Variants in YES1 observed in about 807,000 individuals in gnomAD.
YES1 encodes the protein tyrosine-protein kinase Yes.
Under a neutral mutation model 70.4 loss-of-function variants are expected in YES1, and 39 were observed. That is an observed-to-expected ratio of 0.55 (90% CI 0.43 to 0.72). The LOEUF (loss-of-function observed/expected upper bound fraction) is 0.72, where lower values mean the gene tolerates loss of function less well. Among genes scored for constraint, YES1 ranks in the 30% least tolerant of loss-of-function variants. The pLI is 0.00. For synonymous variants in YES1, 198 were observed against 218.6 expected, an observed-to-expected ratio of 0.91 and a Z score of 0.83; for missense variants, 495 against 644.8, an observed-to-expected ratio of 0.77 and a Z score of 2.52.
chr18:805,854 T>C (rs1381440452), intron 1 of YES1, among the ~76,000 whole-genome samples: 1 of 152,206 alleles, frequency 6.6e-6, no homozygotes, highest in East Asian at 1.9e-4. Context: ...AATTTCTACT[T>C]AATGCTAAGA....
chr18:799,283 A>T (rs985625179), intron 1 of YES1, among the ~76,000 whole-genome samples: 1 of 152,262 alleles, frequency 6.6e-6, no homozygotes, highest in Admixed American at 6.5e-5. Context: ...TATGGTATGC[A>T]GCCCTCACTG....
At chr18:738,387 A>T (rs2145694206) in intron 9 of YES1, 1 of 152,350 alleles carries the variant, frequency 6.6e-6, no homozygotes, top group African/African-American at 2.4e-5. Flanking sequence ...CTTGTGTTGG[A>T]CTATAGTAAA....
rs539550495 is a variant in YES1 at position 724,157 on chromosome 18, C to T, written c.*267G>A. The stretch of plus-strand genomic sequence containing the variant: ...AATAAGCAGGAGCCTCACTGTCCTT[C>T]ATTACCATGCTGTCACCCACACTGT... On this transcript the variant is annotated 3_prime_UTR_variant, in exon 12 of 12. Transcript: ENST00000314574. 1 of 347,498 alleles carries T rather than the reference C, an allele frequency of 2.9e-6. No homozygotes were observed. Among genetic ancestry groups the T allele is most frequent in the East Asian group, 4.6e-5 (1 of 21,678 alleles). The allele number at this position is 347,498 out of a possible 1,614,324, so 21.5% of individuals were successfully genotyped here. A position where few individuals can be genotyped will look rare whatever the true frequency, so the allele number is the denominator to read the frequency against.
chr18:757,242 G>A (rs376912930), intron 1 of YES1, among the ~76,000 whole-genome samples: 10 of 151,200 alleles, frequency 6.6e-5, no homozygotes, highest in South Asian at 4.2e-4. Flanking sequence ...AGTGGCTCAC[G>A]CCTGTAATCC....
chr18:732,732 GAGA>G lies in YES1; in HGVS notation c.1423+99_1423+101del. ...GGAGAGGGAGAGGCAGGGGGACTAT[GAGA>G]AGAAATAAAGGCCTTTTCCCCGCTT... On this transcript the variant is annotated intron_variant, in intron 11 of 11. Transcript: ENST00000314574. The G allele has an allele frequency of 2.1e-6, 3 of 1,453,712 alleles. No individual in the cohort carries two copies. The Admixed American group carries it at 5.2e-5, about 25-fold the overall frequency. The allele number at this position is 1,453,712 out of a possible 1,614,324, so 90.1% of individuals were successfully genotyped here.
At chr18:812,465 C>T (rs560624133), upstream of YES1, 101 of 152,256 alleles carry the variant, frequency 6.6e-4, no homozygotes, top group African/African-American at 2.2e-3. Context: ...GCGCCTACGC[C>T]CCCGTCAGGT....
intron 1 of YES1, among the ~76,000 whole-genome samples, chr18:762,624 T>C (rs1053484703): frequency 1.3e-5 from 2 of 152,028 alleles, no homozygotes; most frequent in African/African-American, 4.8e-5. Context: ...TAACATACAT[T>C]ATGGGATTAA....
Position 724,399 on chromosome 18 carries a change from G to A in YES1, c.*25C>T. On this transcript the variant is annotated 3_prime_UTR_variant, in exon 12 of 12. Coordinates refer to ENST00000314574, the MANE Select transcript of YES1 (RefSeq NM_005433.4). ...AAGTTCTTTATATTTTGGCAGATTTGTGCATATAAAATAGGCTACTTGAAT... is the reference window on the plus strand; with the variant it reads ...AAGTTCTTTATATTTTGGCAGATTTATGCATATAAAATAGGCTACTTGAAT... 1 of 1,595,604 alleles carries A rather than the reference G, an allele frequency of 6.3e-7. No homozygotes were observed. Among genetic ancestry groups the A allele is most frequent in the Non-Finnish European group, 8.6e-7 (1 of 1,165,610 alleles).
At chr18:746,277 G>T (rs1310473898) in intron 4 of YES1, among the ~76,000 whole-genome samples, 1 of 152,104 alleles carries the variant, frequency 6.6e-6, no homozygotes, top group African/African-American at 2.4e-5. Context: ...ACTACTCAAT[G>T]TGTCTCTCAA....
chr18:772,634 G>A (rs1455667820), intron 1 of YES1, among the ~76,000 whole-genome samples: 2 of 152,048 alleles, frequency 1.3e-5, no homozygotes, highest in Admixed American at 6.5e-5. Flanking sequence ...GTTTCACCAT[G>A]TTGGTCAGGC....
chr18:767,868 T>C lies in YES1; in HGVS notation c.-8-11033A>G, dbSNP rs139526244. 4.9e-3 allele frequency among the ~76,000 whole-genome samples: 746 copies of C among 152,212 alleles called. 1 individual carries two copies. Among genetic ancestry groups the C allele is most frequent in the African/African-American group, 0.017 (705 of 41,534 alleles). ...GACGTGCACCACAACAACTGGCTAATTTTTGTATTTTTAGTAGAGATGGGG... is the reference window on the plus strand; with the variant it reads ...GACGTGCACCACAACAACTGGCTAACTTTTGTATTTTTAGTAGAGATGGGG... On this transcript the variant is annotated intron_variant, in intron 1 of 11. Transcript: ENST00000314574.
In YES1 at chr18:726,286, G is replaced by A. The variant is rs367703228; in HGVS notation, c.1424-1654C>T. On this transcript the variant is annotated intron_variant, in intron 11 of 11. Coordinates refer to ENST00000314574, the MANE Select transcript of YES1 (RefSeq NM_005433.4). Reference sequence around the variant, plus strand: ...TAAAAATACAAAAAATTAGCTGGGCGTGGTGGTGGGCATCTGTAGTCCCAG... The same window carrying A: ...TAAAAATACAAAAAATTAGCTGGGCATGGTGGTGGGCATCTGTAGTCCCAG... Among the ~76,000 whole-genome samples the A allele has an allele frequency of 1.8e-4, 27 of 151,948 alleles. No homozygotes were observed. In the East Asian group the frequency reaches 3.1e-3, roughly 18 times the overall value.
chr18:724,343 T>G lies in YES1; in HGVS notation c.*81A>C, dbSNP rs2079992613. The G allele has an allele frequency of 1.5e-6, 2 of 1,345,052 alleles. No homozygotes were observed. The highest frequency in any genetic ancestry group is 4.5e-5 in the Admixed American group (2 of 44,310). The allele number at this position is 1,345,052 out of a possible 1,614,324, so 83.3% of individuals were successfully genotyped here. A position where few individuals can be genotyped will look rare whatever the true frequency, so the allele number is the denominator to read the frequency against. ...AAAACATGCAGAGTAAAGAAGATTT[T>G]CTTCTTTTGATTCCTGTAGAAAATC... On this transcript the variant is annotated 3_prime_UTR_variant, in exon 12 of 12. Coordinates refer to ENST00000314574, the MANE Select transcript of YES1 (RefSeq NM_005433.4).
Position 724,249 on chromosome 18 carries a change from T to C in YES1, c.*175A>G. On this transcript the variant is annotated 3_prime_UTR_variant, in exon 12 of 12. Transcript: ENST00000314574. Reference sequence around the variant, plus strand: ...GCTGATAAATTCATCATTGGTACATTAGAGTTTAATACTTGGGGAAAAAAA... The same window carrying C: ...GCTGATAAATTCATCATTGGTACATCAGAGTTTAATACTTGGGGAAAAAAA... 4 of 616,476 alleles carry C rather than the reference T, an allele frequency of 6.5e-6. No individual in the cohort carries two copies. Among genetic ancestry groups the C allele is most frequent in the Non-Finnish European group, 1.1e-5 (4 of 353,970 alleles). The allele number at this position is 616,476 out of a possible 1,614,324, so 38.2% of individuals were successfully genotyped here.
At chr18:762,995 A>C (rs1904672742) in intron 1 of YES1, among the ~76,000 whole-genome samples, 1 of 152,216 alleles carries the variant, frequency 6.6e-6, no homozygotes, top group African/African-American at 2.4e-5. Context: ...AAGTTTTGCA[A>C]AGGAAGTGGT....
intron 1 of YES1, among the ~76,000 whole-genome samples, chr18:771,726 T>C (rs1905166297): frequency 6.6e-6 from 1 of 152,104 alleles, no homozygotes; most frequent in Admixed American, 6.6e-5. Context: ...TTTTTGTACA[T>C]TTTTGTAGAG....
At chr18:784,460 T>C (rs1173194825) in intron 1 of YES1, among the ~76,000 whole-genome samples, 3 of 152,250 alleles carry the variant, frequency 2.0e-5, no homozygotes, top group African/African-American at 7.2e-5. Flanking sequence ...TCAGTGTCTA[T>C]TAATTATTGC....
chr18:792,358 G>A (rs1232693439), intron 1 of YES1, among the ~76,000 whole-genome samples: 1 of 151,830 alleles, frequency 6.6e-6, no homozygotes, highest in Non-Finnish European at 1.5e-5. Context: ...TTGGATTTGG[G>A]TTAAAAAAAT....
chr18:790,730 T>C (rs1411102606), intron 1 of YES1, among the ~76,000 whole-genome samples: 2 of 152,320 alleles, frequency 1.3e-5, no homozygotes, highest in East Asian at 3.9e-4. Context: ...AGTTAAAAGA[T>C]AGGAGACCTA....
Sources: gnomAD v4.1 joint callset for allele counts (sites outside exome capture counted in the v4.1 genomes callset) on GRCh38, gnomAD v4.1.1 for gene constraint, MANE v1.5 for transcripts, NCBI Gene and HGNC (gene_info 2026-07-23, HGNC 2026-07-21) for gene names.